Variants in TMEM178B observed in about 807,000 individuals in gnomAD.
TMEM178B encodes the protein transmembrane protein 178B.
A neutral mutation model predicts 31.0 loss-of-function variants in TMEM178B; 5 were observed. The ratio of observed to expected loss-of-function variants is 0.16; its 90% CI spans 0.08 to 0.34. TMEM178B has a LOEUF of 0.34. TMEM178B is among the 10% of genes least tolerant of loss of function. TMEM178B has a pLI of 1.00. For missense variants in TMEM178B, 275 were observed against 400.3 expected (o/e 0.69, Z 2.67); for synonymous variants, 164 against 164.0 (o/e 1.00, Z 0.00).
chr7:141,298,487 G>T (rs577840800), intron 2 of TMEM178B, among the ~76,000 whole-genome samples: 1 of 152,352 alleles, frequency 6.6e-6, no homozygotes, highest in East Asian at 1.9e-4. Flanking sequence ...CAATAGAGTA[G>T]CTGGCAGTGG....
In TMEM178B at chr7:141,458,088, CT is replaced by C. The variant is rs74313541; in HGVS notation, c.635-12444del. On this transcript the variant is annotated intron_variant, in intron 3 of 3. Coordinates refer to ENST00000565468, the MANE Select transcript of TMEM178B (RefSeq NM_001195278.2). Reference sequence around the variant, plus strand: ...TATCCCTTTCTAGATGGATGGTGACCTTTTCTCTCAACTTTTTATTACTTTT... The same window carrying C: ...TATCCCTTTCTAGATGGATGGTGACCTTTCTCTCAACTTTTTATTACTTTT... Among the ~76,000 whole-genome samples the C allele has an allele frequency of 7.2e-5, 11 of 152,194 alleles. No individual in the cohort carries two copies. In the East Asian group the frequency reaches 2.1e-3, roughly 29 times the overall value.
chr7:141,406,719 G>A lies in TMEM178B; in HGVS notation c.497-30889G>A, dbSNP rs553904290. Among the ~76,000 whole-genome samples, 11 of 152,356 alleles carry A rather than the reference G, an allele frequency of 7.2e-5. No homozygotes were observed. The South Asian group carries it at 8.3e-4, about 11-fold the overall frequency. On this transcript the variant is annotated intron_variant, in intron 2 of 3. Coordinates refer to ENST00000565468, the MANE Select transcript of TMEM178B (RefSeq NM_001195278.2). The stretch of plus-strand genomic sequence containing the variant: ...GTAGGAGGAGAAAGAAGCAGTTTGT[G>A]TAGGCAGACATGGAAAAAATTTTGT...
At chr7:141,104,316 G>A (rs1795105123) in intron 1 of TMEM178B, among the ~76,000 whole-genome samples, 1 of 152,192 alleles carries the variant, frequency 6.6e-6, no homozygotes, top group African/African-American at 2.4e-5. Flanking sequence ...GGAAGGCTGA[G>A]GTGGGCCTCC....
chr7:141,141,280 A>C (rs762699711), intron 1 of TMEM178B, among the ~76,000 whole-genome samples: 1 of 148,992 alleles, frequency 6.7e-6, no homozygotes, highest in Non-Finnish European at 1.5e-5. Context: ...ACTTTGCCCC[A>C]TCAATTTTTT....
At chr7:141,146,362 C>T (rs1695556531) in intron 1 of TMEM178B, among the ~76,000 whole-genome samples, 2 of 152,158 alleles carry the variant, frequency 1.3e-5, no homozygotes, top group African/African-American at 4.8e-5. Context: ...TGCCTAGTGG[C>T]CTGCGAATTA....
In TMEM178B at chr7:141,477,284, C is replaced by G. The variant is rs1458842309; in HGVS notation, c.*6498C>G. The G allele has an allele frequency of 6.5e-6, 1 of 154,716 alleles. No homozygotes were observed. The highest frequency in any genetic ancestry group is 1.9e-4 in the East Asian group (1 of 5,186). 9.6% of individuals were successfully genotyped at this position (154,716 alleles called of 1,614,324 possible). On this transcript the variant is annotated 3_prime_UTR_variant, in exon 4 of 4. Coordinates refer to ENST00000565468, the MANE Select transcript of TMEM178B (RefSeq NM_001195278.2). ...AAAAATGTACAAATAAAAGTGAAAA[C>G]TGAAAATAAAGGGGAGGGAGATTGA...
In TMEM178B at chr7:141,196,744, C is replaced by T. The variant is rs796632664; in HGVS notation, c.383-15847C>T. 4.6e-5 allele frequency among the ~76,000 whole-genome samples: 7 copies of T among 152,188 alleles called. No individual in the cohort carries two copies. The South Asian group carries it at 8.3e-4, about 18-fold the overall frequency. ...TGCAGCCATGTTTCTGCTTTCATGT[C>T]TTGGGGATCTCGTGCATGTGTGGAG... On this transcript the variant is annotated intron_variant, in intron 1 of 3. Transcript: ENST00000565468.
chr7:141,176,566 C>T (rs1003405995), intron 1 of TMEM178B, among the ~76,000 whole-genome samples: 5 of 152,092 alleles, frequency 3.3e-5, no homozygotes, highest in African/African-American at 4.8e-5. Flanking sequence ...TGGTAGAATT[C>T]GGCTGTGAAT....
intron 2 of TMEM178B, among the ~76,000 whole-genome samples, chr7:141,423,805 G>GTTTTTT (rs5888005): frequency 1.8e-5 from 2 of 108,796 alleles, no homozygotes; most frequent in African/African-American, 3.5e-5. Context: ...TGACATTTGT[G>GTTTTTT]TTTTTTTTTT....
chr7:141,492,242 G>C, the TMEM178B span, among the ~76,000 whole-genome samples: 1 of 151,832 alleles, frequency 6.6e-6, no homozygotes, highest in Admixed American at 6.6e-5. Context: ...TTTTTCCCTC[G>C]CTCCTAATCA....
At chr7:141,334,057 AG>A (rs1402205346) in intron 2 of TMEM178B, among the ~76,000 whole-genome samples, 2 of 152,206 alleles carry the variant, frequency 1.3e-5, no homozygotes, top group Admixed American at 6.5e-5. Context: ...AGCCAAACCT[AG>A]GGGGAAGAGG....
chr7:141,119,278 G>A (rs533595729), intron 1 of TMEM178B, among the ~76,000 whole-genome samples: 2 of 152,178 alleles, frequency 1.3e-5, no homozygotes, highest in African/African-American at 4.8e-5. Flanking sequence ...GCCTGCTGGG[G>A]ATGGGGGCAT....
intron 1 of TMEM178B, among the ~76,000 whole-genome samples, chr7:141,172,633 G>A (rs1394514752): frequency 1.3e-5 from 2 of 152,200 alleles, no homozygotes; most frequent in African/African-American, 4.8e-5. Flanking sequence ...CAGCAGCACA[G>A]GATGCCACAG....
chr7:141,453,703 C>T (rs1801907846), intron 3 of TMEM178B, among the ~76,000 whole-genome samples: 1 of 152,168 alleles, frequency 6.6e-6, no homozygotes, highest in South Asian at 2.1e-4. Context: ...GCAGGAATGC[C>T]CCGTTCTTCT....
intron 2 of TMEM178B, among the ~76,000 whole-genome samples, chr7:141,224,092 C>T (rs192550464): frequency 2.0e-5 from 3 of 152,192 alleles, no homozygotes; most frequent in Admixed American, 6.5e-5. Context: ...TTTTATAAAG[C>T]GTTTCCCGTT....
intron 3 of TMEM178B, among the ~76,000 whole-genome samples, chr7:141,466,982 C>A (rs1246027164): frequency 2.0e-5 from 3 of 152,124 alleles, no homozygotes; most frequent in Non-Finnish European, 4.4e-5. Flanking sequence ...CCACCCCAGG[C>A]AATTGCTCTT....
Position 141,454,588 on chromosome 7 carries a change from C to T in TMEM178B, c.635-15948C>T, listed in dbSNP as rs192028293. ...TCTCTCTCCTCTCTCTCCTCTCTCT[C>T]CTCTCTCTCCTCTCCTTCCTCTCCT... On this transcript the variant is annotated intron_variant, in intron 3 of 3. Transcript: ENST00000565468. 3.2e-3 allele frequency among the ~76,000 whole-genome samples: 468 copies of T among 147,818 alleles called. 1 individual carries two copies. Among genetic ancestry groups the T allele is most frequent in the Non-Finnish European group, 5.6e-3 (372 of 66,710 alleles).
At chr7:141,337,213 C>A in intron 2 of TMEM178B, among the ~76,000 whole-genome samples, 1 of 106,658 alleles carries the variant, frequency 9.4e-6, no homozygotes, top group African/African-American at 4.0e-5. Context: ...CCACCACCAT[C>A]ACCACCACCA....
intron 1 of TMEM178B, among the ~76,000 whole-genome samples, chr7:141,122,866 T>A (rs1795432035): frequency 6.6e-6 from 1 of 152,236 alleles, no homozygotes. Flanking sequence ...CCATTACAGC[T>A]TGTTTGCTTC....
Sources: gnomAD v4.1 joint callset for allele counts (sites outside exome capture counted in the v4.1 genomes callset) on GRCh38, gnomAD v4.1.1 for gene constraint, MANE v1.5 for transcripts, NCBI Gene and HGNC (gene_info 2026-07-23, HGNC 2026-07-21) for gene names.